XKR6: variants seen among roughly 807,000 people sequenced by gnomAD.
The protein encoded by XKR6 is XK-related protein 6.
In XKR6, 22 loss-of-function variants were observed where a neutral mutation model predicts 56.7. That is an observed-to-expected ratio of 0.39 (90% CI 0.28 to 0.55). XKR6 has a LOEUF of 0.55. XKR6 is among the 20% of genes least tolerant of loss of function. The probability of loss-of-function intolerance (pLI) is 0.66; values close to 1 mark genes in which losing one functional copy is unlikely to be tolerated. For synonymous variants in XKR6, 524 were observed against 387.8 expected, an observed-to-expected ratio of 1.35 and a Z score of -4.13; for missense variants, 852 against 889.0, an observed-to-expected ratio of 0.96 and a Z score of 0.53.
At chr8:11,036,933 C>T (rs898127454) in intron 1 of XKR6, among the ~76,000 whole-genome samples, 2 of 152,232 alleles carry the variant, frequency 1.3e-5, no homozygotes, top group African/African-American at 4.8e-5. Flanking sequence ...TAGAACCGCT[C>T]TGGCGAGCTC....
At chr8:10,973,540 C>G (rs185790850) in intron 1 of XKR6, among the ~76,000 whole-genome samples, 1 of 152,296 alleles carries the variant, frequency 6.6e-6, no homozygotes, top group East Asian at 1.9e-4. Flanking sequence ...TCAGGGAAAG[C>G]GTAAGGCTAC....
chr8:11,067,890 C>T (rs1800021224), intron 1 of XKR6, among the ~76,000 whole-genome samples: 1 of 152,250 alleles, frequency 6.6e-6, no homozygotes, highest in Non-Finnish European at 1.5e-5. Flanking sequence ...GGGGTCTCCC[C>T]ATGACTGCAG....
At chr8:11,078,262 T>C (rs558347192) in intron 1 of XKR6, among the ~76,000 whole-genome samples, 1 of 152,326 alleles carries the variant, frequency 6.6e-6, no homozygotes, top group South Asian at 2.1e-4. Flanking sequence ...CCCGAGACTT[T>C]ATCGACATTG....
intron 1 of XKR6, among the ~76,000 whole-genome samples, chr8:10,949,727 C>T (rs754594903): frequency 1.3e-5 from 2 of 152,214 alleles, no homozygotes; most frequent in Non-Finnish European, 2.9e-5. Flanking sequence ...GGACCGGTGC[C>T]TACAGACTAT....
chr8:10,912,405 TAAAG>T (rs1324743542), intron 2 of XKR6, among the ~76,000 whole-genome samples: 5 of 129,984 alleles, frequency 3.8e-5, no homozygotes, highest in Admixed American at 1.6e-4. Context: ...TATATATATA[TAAAG>T]AGAGTGAGCA....
intron 1 of XKR6, among the ~76,000 whole-genome samples, chr8:11,190,308 C>G (rs1803509014): frequency 6.6e-6 from 1 of 151,850 alleles, no homozygotes; most frequent in Non-Finnish European, 1.5e-5. Flanking sequence ...AAGAAAACAG[C>G]TTCTTTATAT....
intron 1 of XKR6, among the ~76,000 whole-genome samples, chr8:11,056,400 C>T (rs1799685624): frequency 6.6e-6 from 1 of 152,236 alleles, no homozygotes; most frequent in South Asian, 2.1e-4. Context: ...CGGCAGCGCA[C>T]AGGCTCTTCT....
intron 1 of XKR6, among the ~76,000 whole-genome samples, chr8:11,132,786 C>CACACACACACACACAT: frequency 6.6e-6 from 1 of 151,094 alleles, no homozygotes; most frequent in South Asian, 2.1e-4. Context: ...CACACACACA[C>CACACACACACACACAT]GCACATTTTT....
At chr8:11,117,994 T>G (rs1266035506) in intron 1 of XKR6, among the ~76,000 whole-genome samples, 1 of 151,786 alleles carries the variant, frequency 6.6e-6, no homozygotes, top group Non-Finnish European at 1.5e-5. Flanking sequence ...AAACAGACCG[T>G]TAGGAGAGGT....
chr8:11,086,795 C>T (rs1382900186), intron 1 of XKR6, among the ~76,000 whole-genome samples: 1 of 152,224 alleles, frequency 6.6e-6, no homozygotes, highest in Admixed American at 6.5e-5. Context: ...AGCACAGTAG[C>T]TTGTTCTGCT....
At chr8:11,092,412 T>C (rs943687816) in intron 1 of XKR6, among the ~76,000 whole-genome samples, 4 of 152,228 alleles carry the variant, frequency 2.6e-5, no homozygotes, top group African/African-American at 9.6e-5. Flanking sequence ...CAACCCATTA[T>C]ATGGAGTTTG....
At position 11,200,468 on chromosome 8, in the gene XKR6, T is replaced by C; in HGVS notation, c.764+108A>G. On this transcript the variant is annotated intron_variant, in intron 1 of 2. Transcript: ENST00000416569. The surrounding 1 kb of genome is among the most constrained non-coding windows in gnomAD (Gnocchi z 6.4). ...GGGGCGGCGCGCGGCCGGTCCCTCC[T>C]TCGAGCCCCCCGCGCTGGGCCCTTT... is the stretch of plus-strand genomic sequence containing the variant. 2 of 1,298,554 alleles carry C rather than the reference T, an allele frequency of 1.5e-6. No homozygotes were observed. Among genetic ancestry groups the C allele is most frequent in the African/African-American group, 1.6e-5 (1 of 64,240 alleles). 80.4% of individuals were successfully genotyped at this position (1,298,554 alleles called of 1,614,324 possible).
At chr8:11,075,172 T>A (rs1005854517) in intron 1 of XKR6, among the ~76,000 whole-genome samples, 3 of 152,086 alleles carry the variant, frequency 2.0e-5, no homozygotes, top group Non-Finnish European at 4.4e-5. Context: ...GCTTGAACTC[T>A]GGGGAAAAAA....
intron 2 of XKR6, among the ~76,000 whole-genome samples, chr8:10,917,303 CT>C (rs1800589770): frequency 1.3e-5 from 2 of 152,164 alleles, no homozygotes; most frequent in African/African-American, 2.4e-5. Flanking sequence ...TTCGGCTTCC[CT>C]GTGTTAAATG....
At chr8:11,198,660 T>C (rs1050883728) in intron 1 of XKR6, among the ~76,000 whole-genome samples, 3 of 152,220 alleles carry the variant, frequency 2.0e-5, no homozygotes, top group Non-Finnish European at 4.4e-5. Context: ...GATTTTATTC[T>C]ACTCCAATTT....
At chr8:11,061,891 G>A (rs1404064918) in intron 1 of XKR6, among the ~76,000 whole-genome samples, 1 of 152,176 alleles carries the variant, frequency 6.6e-6, no homozygotes, top group Non-Finnish European at 1.5e-5. Flanking sequence ...GTCAGGCAAG[G>A]ACGCGGCCAG....
intron 1 of XKR6, among the ~76,000 whole-genome samples, chr8:11,092,685 C>A (rs1223828121): frequency 6.6e-6 from 1 of 152,208 alleles, no homozygotes; most frequent in African/African-American, 2.4e-5. Context: ...AAACTCTTCC[C>A]CCTGGATGAT....
At chr8:11,061,430 G>A (rs1278099711) in intron 1 of XKR6, among the ~76,000 whole-genome samples, 1 of 151,458 alleles carries the variant, frequency 6.6e-6, no homozygotes, top group Non-Finnish European at 1.5e-5. Flanking sequence ...TCATGCCACT[G>A]CATGCCAGTC....
chr8:11,144,494 C>G (rs138778959), intron 1 of XKR6, among the ~76,000 whole-genome samples: 1 of 151,822 alleles, frequency 6.6e-6, no homozygotes, highest in Non-Finnish European at 1.5e-5. Context: ...GAAAGGACCA[C>G]GTAATCTGGA....
Sources: gnomAD v4.1 joint callset for allele counts (sites outside exome capture counted in the v4.1 genomes callset) on GRCh38, gnomAD v4.1.1 for gene constraint, Gnocchi (gnomAD v3.1) non-coding constraint, MANE v1.5 for transcripts, NCBI Gene and HGNC (gene_info 2026-07-23, HGNC 2026-07-21) for gene names.